The following AKR1B1 variants were observed in gnomAD, a reference collection of about 807,000 sequenced individuals.
The protein encoded by AKR1B1 is aldo-keto reductase family 1 member B, also known as aldo-keto reductase family 1 member B1.
AKR1B1 carries 22 observed loss-of-function variants against 40.4 expected under a neutral mutation model. The observed-to-expected ratio is 0.54, with a 90% CI of 0.39 to 0.78. The LOEUF is 0.78. AKR1B1 is among the 30% of genes least tolerant of loss of function. The pLI, the probability that AKR1B1 is intolerant of heterozygous loss-of-function variation, is 0.00. For missense variants in AKR1B1, 357 were observed against 396.7 expected (o/e 0.90, Z 0.85); for synonymous variants, 157 against 149.9 (o/e 1.05, Z -0.35).
In AKR1B1 at chr7:134,442,659, T is replaced by G; in HGVS notation, c.*69A>C. ...CTGAGTGACACAGGCCATACTACAT[T>G]TGCAAGGAAAAAAATGAGGCAAGAA... On this transcript the variant is annotated 3_prime_UTR_variant, in exon 10 of 10. Transcript: ENST00000285930. The G allele has an allele frequency of 6.5e-7, 1 of 1,539,664 alleles. No homozygotes were observed. Among genetic ancestry groups the G allele is most frequent in the East Asian group, 2.3e-5 (1 of 44,378 alleles).
intron 1 of AKR1B1, among the ~76,000 whole-genome samples, chr7:134,455,845 A>C (rs2117465770): frequency 6.6e-6 from 1 of 152,298 alleles, no homozygotes; most frequent in East Asian, 1.9e-4. Context: ...GGCCTTCCAA[A>C]GTGCTGGGAT....
At chr7:134,443,956 C>T (rs568495850) in intron 9 of AKR1B1, among the ~76,000 whole-genome samples, 4 of 152,196 alleles carry the variant, frequency 2.6e-5, no homozygotes, top group East Asian at 1.9e-4. Flanking sequence ...ACAGGATAAT[C>T]GAACAGAAGT....
chr7:134,454,836 G>C (rs776874881), intron 1 of AKR1B1, among the ~76,000 whole-genome samples: 3 of 152,216 alleles, frequency 2.0e-5, no homozygotes, highest in Non-Finnish European at 4.4e-5. Context: ...TTTGGCAGCA[G>C]AAATTAACTT....
chr7:134,456,388 A>G (rs1251619769), intron 1 of AKR1B1, among the ~76,000 whole-genome samples: 2 of 151,880 alleles, frequency 1.3e-5, no homozygotes. Context: ...TTTAGTAGAG[A>G]CGGGGTTTCA....
At position 134,450,885 on chromosome 7, in the gene AKR1B1, A is replaced by G. The variant is rs1806264910; in HGVS notation, c.252T>C (p.His84=). ...FIVSKLWCTY[H]EKGLVKGACQ... ...AGGCTCCTTTCACCAGGCCCTTCTC[A>G]TGGTACGTGCACCACAGCTAAGCCA... Residue 84 remains histidine (H), a synonymous_variant, in exon 3 of 10, where the codon CAT becomes CAC. Transcript: ENST00000285930. 2 of 1,613,642 alleles carry G rather than the reference A, an allele frequency of 1.2e-6. No individual in the cohort carries two copies. Among genetic ancestry groups the G allele is most frequent in the Admixed American group, 1.7e-5 (1 of 60,004 alleles).
At chr7:134,445,708 A>G (rs1034630384) in intron 8 of AKR1B1, among the ~76,000 whole-genome samples, 1 of 152,266 alleles carries the variant, frequency 6.6e-6, no homozygotes, top group Admixed American at 6.5e-5. Flanking sequence ...AACTAATCAC[A>G]CACTGTATAA....
In AKR1B1 at chr7:134,451,531, G is replaced by A. The variant is rs997206785; in HGVS notation, c.234+55C>T. On this transcript the variant is annotated intron_variant, in intron 2 of 9. Transcript: ENST00000285930. ...AGTGTGGACTTGGCTTTGGGCTGAT[G>A]CACCAACAGATGATGGGACCGAGAG... 1.4e-5 allele frequency: 23 copies of A among 1,602,636 alleles called. 1 individual carries two copies. In the Admixed American group the frequency reaches 2.0e-4, roughly 14 times the overall value.
intron 1 of AKR1B1, among the ~76,000 whole-genome samples, chr7:134,456,456 C>T (rs1806475348): frequency 6.6e-6 from 1 of 151,972 alleles, no homozygotes; most frequent in South Asian, 2.1e-4. Context: ...GCCTCTGCCT[C>T]CCAAAGTGCT....
intron 1 of AKR1B1, among the ~76,000 whole-genome samples, chr7:134,454,657 T>C (rs1806409318): frequency 6.6e-6 from 1 of 152,192 alleles, no homozygotes; most frequent in Admixed American, 6.5e-5. Flanking sequence ...AACTCTTCAT[T>C]TTTGAAATGT....
At position 134,448,064 on chromosome 7, in the gene AKR1B1, G is replaced by A. The variant is rs780887807; in HGVS notation, c.660-3C>T. On this transcript the variant is annotated splice_polypyrimidine_tract_variant and splice_region_variant and intron_variant, in intron 6 of 9. Coordinates refer to ENST00000285930, the MANE Select transcript of AKR1B1 (RefSeq NM_001628.4). Reference sequence around the variant, plus strand: ...GAGAAGGGTCCTCGGGCTTGGCCCTGAGGATAGAAAGACAGTCCAGGTCAC... The same window carrying A: ...GAGAAGGGTCCTCGGGCTTGGCCCTAAGGATAGAAAGACAGTCCAGGTCAC... 1.9e-6 allele frequency: 3 copies of A among 1,610,876 alleles called. No homozygotes were observed. In the East Asian group the frequency reaches 6.7e-5, roughly 36 times the overall value.
chr7:134,449,247 G>T, intron 4 of AKR1B1, 128 bp from the exon 5 acceptor site: 1 of 1,357,364 alleles, frequency 7.4e-7, no homozygotes. Flanking sequence ...CCTTTCAGAA[G>T]CTAAGAGACA....
chr7:134,455,893 A>C (rs1806455450), intron 1 of AKR1B1, among the ~76,000 whole-genome samples: 1 of 152,198 alleles, frequency 6.6e-6, no homozygotes, highest in African/African-American at 2.4e-5. Flanking sequence ...GTAGAAGGCA[A>C]GACTGCCAGA....
At chr7:134,451,274 A>C (rs1806279287) in intron 2 of AKR1B1, 11 of 531,284 alleles carry the variant, frequency 2.1e-5, no homozygotes, top group Admixed American at 1.6e-4. Context: ...CTAGCACTGG[A>C]GATTCAGTTT....
intron 1 of AKR1B1, among the ~76,000 whole-genome samples, chr7:134,452,214 G>A (rs181773198): frequency 1.4e-4 from 21 of 152,228 alleles, no homozygotes; most frequent in Admixed American, 1.1e-3. Flanking sequence ...TGCCCCTTAC[G>A]CTCTCTTTTC....
At position 134,451,680 on chromosome 7, in the gene AKR1B1, T is replaced by A; in HGVS notation, c.140A>T (p.His47Leu). 1 of 1,614,162 alleles carries A rather than the reference T, an allele frequency of 6.2e-7. No individual in the cohort carries two copies. The highest frequency in any genetic ancestry group is 8.5e-7 in the Non-Finnish European group (1 of 1,180,012). Residue 47 changes from histidine (H) to leucine (L), a missense_variant, in exon 2 of 10, where the codon CAT becomes CTT. By Grantham distance (99) the His-to-Leu change is moderately conservative (BLOSUM62 -3). Coordinates refer to ENST00000285930, the MANE Select transcript of AKR1B1 (RefSeq NM_001628.4). ...CACCTCATTCTCATTCTGGTACACA[T>A]GGGCACAGTCGATGTGGCGGTACCC... ...DVGYRHIDCA[H>L]VYQNENEVGV...
At chr7:134,458,951 G>T (rs1806582457) in intron 1 of AKR1B1, 46 bp downstream of exon 1, 3 of 1,572,696 alleles carry the variant, frequency 1.9e-6, no homozygotes, top group Non-Finnish European at 2.6e-6. Context: ...AGGCCGCGCG[G>T]AGAGTGTGAG....
chr7:134,455,602 G>C (rs1436281949), intron 1 of AKR1B1, among the ~76,000 whole-genome samples: 3 of 152,102 alleles, frequency 2.0e-5, no homozygotes, highest in Admixed American at 6.6e-5. Context: ...TTCTGAGACC[G>C]AGTTTTTTTT....
intron 6 of AKR1B1, 56 bp downstream of exon 6, chr7:134,448,331 A>C: frequency 6.9e-7 from 1 of 1,442,552 alleles, no homozygotes; most frequent in Non-Finnish European, 9.7e-7. Flanking sequence ...TGTTCTTTTT[A>C]GTCTTTTCTA....
At chr7:134,456,927 A>G (rs1157987922) in intron 1 of AKR1B1, among the ~76,000 whole-genome samples, 1 of 152,108 alleles carries the variant, frequency 6.6e-6, no homozygotes, top group Non-Finnish European at 1.5e-5. Context: ...TCTTTCATAA[A>G]CTTTTACTCC....
Sources: gnomAD v4.1 joint callset for allele counts (sites outside exome capture counted in the v4.1 genomes callset) on GRCh38, gnomAD v4.1.1 for gene constraint, MANE v1.5 for transcripts, NCBI Gene and HGNC (gene_info 2026-07-23, HGNC 2026-07-21) for gene names.